The following RAI1 variants were observed in gnomAD, a reference collection of about 807,000 sequenced individuals.
RAI1 encodes retinoic acid-induced protein 1.
RAI1 carries 9 observed loss-of-function variants against 123.8 expected under a neutral mutation model. The observed-to-expected ratio is 0.07, with a 90% CI of 0.04 to 0.13. The LOEUF (loss-of-function observed/expected upper bound fraction) is 0.13. Ranked by LOEUF, RAI1 falls within the 10% of genes least tolerant of loss-of-function variation. The pLI, the probability that RAI1 is intolerant of heterozygous loss-of-function variation, is 1.00. For synonymous variants in RAI1, 1,231 were observed against 1,127.3 expected (o/e 1.09, Z -1.84); for missense variants, 2,256 against 2,545.8 (o/e 0.89, Z 2.45).
intron 1 of RAI1, among the ~76,000 whole-genome samples, chr17:17,689,618 T>G (rs1914769441): frequency 6.6e-6 from 1 of 152,204 alleles, no homozygotes; most frequent in African/African-American, 2.4e-5. Flanking sequence ...TAATGTAGCA[T>G]AGTGGGTATG....
rs891253324 is a variant in RAI1, at chr17:17,799,895, TC to T, written c.5565+1385del. ...GTGGCATTGCCTGGCCAAACCAAGGTCCCGGTGGGGGCCCACTGTGTTTGCC... is the reference window on the plus strand; with the variant it reads ...GTGGCATTGCCTGGCCAAACCAAGGTCCGGTGGGGGCCCACTGTGTTTGCC... On this transcript the variant is annotated intron_variant, in intron 3 of 5. Coordinates refer to ENST00000353383, the MANE Select transcript of RAI1 (RefSeq NM_030665.4). This position sits in a 1 kb window ranked among gnomAD's most constrained non-coding sequence, Gnocchi z 4.5. Among the ~76,000 whole-genome samples, 2 of 152,104 alleles carry T rather than the reference TC, an allele frequency of 1.3e-5. No individual in the cohort carries two copies. Among genetic ancestry groups the T allele is most frequent in the African/African-American group, 4.8e-5 (2 of 41,406 alleles).
chr17:17,793,866 A>T lies in RAI1; in HGVS notation c.918A>T (p.Gln306His), dbSNP rs767770472. ...ATGCCCAGGAAACCCTCCATTACCAAAACCTCGCCAAGTATCAGCACTACG... is the reference window on the plus strand; with the variant it reads ...ATGCCCAGGAAACCCTCCATTACCATAACCTCGCCAAGTATCAGCACTACG... The part of the protein sequence containing the change: ...RHHAQETLHY[Q>H]NLAKYQHYGQ... The change falls in exon 3 of 6, where the codon CAA becomes CAT. Residue 306 changes from glutamine (Q) to histidine (H), a missense_variant. This residue lies in a region of RAI1 where 357 missense variants were observed against 480.2 expected (regional missense o/e 0.74). Coordinates refer to ENST00000353383, the MANE Select transcript of RAI1 (RefSeq NM_030665.4). 8 of 1,613,360 alleles carry T rather than the reference A, an allele frequency of 5.0e-6. No homozygotes were observed. In the South Asian group the frequency reaches 8.8e-5, roughly 18 times the overall value.
At chr17:17,692,505 G>T (rs973411460) in intron 1 of RAI1, among the ~76,000 whole-genome samples, 7 of 152,192 alleles carry the variant, frequency 4.6e-5, no homozygotes, top group Non-Finnish European at 7.3e-5. Context: ...TCTGCCTGAG[G>T]TCACACAGCA....
At chr17:17,768,127 A>T (rs900663772) in intron 2 of RAI1, among the ~76,000 whole-genome samples, 9 of 152,152 alleles carry the variant, frequency 5.9e-5, no homozygotes, top group Admixed American at 5.2e-4. Context: ...TAATATGAGG[A>T]TTAAATCATG....
At chr17:17,784,213 C>T (rs554018545) in intron 2 of RAI1, among the ~76,000 whole-genome samples, 1 of 152,268 alleles carries the variant, frequency 6.6e-6, no homozygotes, top group African/African-American at 2.4e-5. Flanking sequence ...ATTCCCCGCT[C>T]CCCCAGGTGG....
At chr17:17,747,353 T>C (rs1482448466) in intron 2 of RAI1, among the ~76,000 whole-genome samples, 6 of 152,216 alleles carry the variant, frequency 3.9e-5, no homozygotes, top group African/African-American at 1.4e-4. Context: ...AGCCACTGGC[T>C]GACTAGTGGC....
rs907836688 is a variant in RAI1 at position 17,681,813 on chromosome 17, G to A, written c.-149+20G>A. 2 of 288,216 alleles carry A rather than the reference G, an allele frequency of 6.9e-6. No individual in the cohort carries two copies. The highest frequency in any genetic ancestry group is 1.3e-5 in the Non-Finnish European group (2 of 154,706). 17.9% of individuals were successfully genotyped at this position (288,216 alleles called of 1,614,324 possible). A position where few individuals can be genotyped will look rare whatever the true frequency, so the allele number is the denominator to read the frequency against. ...GCCGAGGTGAGCAGCGAGCGCCGGG[G>A]CGCGGGGGGCGCAGTGTATCCTGCC... On this transcript the variant is annotated intron_variant, in intron 1 of 5. Coordinates refer to ENST00000353383, the MANE Select transcript of RAI1 (RefSeq NM_030665.4).
rs139582039 is a variant in RAI1 at position 17,715,554 on chromosome 17, G to A, written c.-148-8474G>A. Among the ~76,000 whole-genome samples, 122 of 152,294 alleles carry A rather than the reference G, an allele frequency of 8.0e-4. No homozygotes were observed. In the East Asian group the frequency reaches 0.017, roughly 22 times the overall value. On this transcript the variant is annotated intron_variant, in intron 1 of 5. Transcript: ENST00000353383. Reference sequence around the variant, plus strand: ...GACACCAGACCGGGAGGAGAAGTGCGAGGAGTGGTGTGGTCATTGGCGTCT... The same window carrying A: ...GACACCAGACCGGGAGGAGAAGTGCAAGGAGTGGTGTGGTCATTGGCGTCT...
rs2143003266 is a variant in RAI1 at position 17,797,838 on chromosome 17, T to TGCCTCCTCTTCCTCATCC, written c.4891_4908dup (p.Ala1631_Ser1636dup). On this transcript the variant is annotated inframe_insertion, in exon 3 of 6. Coordinates refer to ENST00000353383, the MANE Select transcript of RAI1 (RefSeq NM_030665.4). ...AGCCCCACAGGAAGCCTTCCTCCTC[T>TGCCTCCTCTTCCTCATCC]GCCTCCTCTTCCTCATCCTCGTCCT... The TGCCTCCTCTTCCTCATCC allele has an allele frequency of 6.2e-7, 1 of 1,613,998 alleles. No homozygotes were observed. Among genetic ancestry groups the TGCCTCCTCTTCCTCATCC allele is most frequent in the African/African-American group, 1.3e-5 (1 of 75,022 alleles).
At chr17:17,732,487 TGA>T (rs1916303416) in intron 2 of RAI1, among the ~76,000 whole-genome samples, 1 of 152,282 alleles carries the variant, frequency 6.6e-6, no homozygotes, top group East Asian at 1.9e-4. Flanking sequence ...GCCAGGCAGG[TGA>T]CGTCCTTCCT....
At position 17,714,039 on chromosome 17, in the gene RAI1, C is replaced by G. The variant is rs1915642036; in HGVS notation, c.-148-9989C>G. Among the ~76,000 whole-genome samples the G allele has an allele frequency of 6.6e-6, 1 of 152,122 alleles. No individual in the cohort carries two copies. The highest frequency in any genetic ancestry group is 2.4e-5 in the African/African-American group (1 of 41,434). On this transcript the variant is annotated intron_variant, in intron 1 of 5. Transcript: ENST00000353383. This position sits in a 1 kb window ranked among gnomAD's most constrained non-coding sequence, Gnocchi z 4.9. The stretch of plus-strand genomic sequence containing the variant: ...AGTGTCCCAGCCGCCCACGATGCCT[C>G]CACCCAGAGGCTGCCCTGTTCTGCT...
chr17:17,756,240 C>T (rs1165599570), intron 2 of RAI1, among the ~76,000 whole-genome samples: 4 of 151,900 alleles, frequency 2.6e-5, no homozygotes, highest in Non-Finnish European at 5.9e-5. Context: ...TCTTGTTGCC[C>T]AGGCTGGAGT....
chr17:17,684,272 CTG>C (rs751839352), intron 1 of RAI1: 4 of 152,108 alleles, frequency 2.6e-5, no homozygotes, highest in Non-Finnish European at 4.4e-5. Flanking sequence ...ACAGGTCACA[CTG>C]TATATAGCTG....
rs1294582230 is a variant in RAI1 at position 17,701,980 on chromosome 17, AT to A, written c.-149+20188del. Among the ~76,000 whole-genome samples, 5 of 152,340 alleles carry A rather than the reference AT, an allele frequency of 3.3e-5. No individual in the cohort carries two copies. In the East Asian group the frequency reaches 9.6e-4, roughly 29 times the overall value. ...GCTCGAAAGGAATACTTGTCCTCTAATGGAAAAAGGACCAATTTAAAGGAAG... is the reference window on the plus strand; with the variant it reads ...GCTCGAAAGGAATACTTGTCCTCTAAGGAAAAAGGACCAATTTAAAGGAAG... On this transcript the variant is annotated intron_variant, in intron 1 of 5. Coordinates refer to ENST00000353383, the MANE Select transcript of RAI1 (RefSeq NM_030665.4).
chr17:17,743,344 A>T (rs1301040193), intron 2 of RAI1, among the ~76,000 whole-genome samples: 1 of 152,180 alleles, frequency 6.6e-6, no homozygotes, highest in Non-Finnish European at 1.5e-5. Context: ...GATAAATGGT[A>T]GCCTTTGTGA....
At chr17:17,783,544 G>A (rs1299641978) in intron 2 of RAI1, among the ~76,000 whole-genome samples, 1 of 152,188 alleles carries the variant, frequency 6.6e-6, no homozygotes, top group Non-Finnish European at 1.5e-5. Context: ...GCAGAGGGGC[G>A]GAGAGGCCGC....
Position 17,795,357 on chromosome 17 carries a change from G to A in RAI1, c.2409G>A (p.Val803=). 1.3e-6 allele frequency: 2 copies of A among 1,597,774 alleles called. No homozygotes were observed. Among genetic ancestry groups the A allele is most frequent in the South Asian group, 1.1e-5 (1 of 89,298 alleles). ...FQEEDPPGEK[V]ASLPGDFKQE... is the part of the protein sequence containing the mutation. ...AGGAGGACCCCCCTGGGGAGAAGGT[G>A]GCCTCGTTGCCCGGGGACTTCAAGC... Residue 803 remains valine (V), a synonymous_variant, in exon 3 of 6, where the codon GTG becomes GTA. Coordinates refer to ENST00000353383, the MANE Select transcript of RAI1 (RefSeq NM_030665.4). The surrounding 1 kb of genome is among the most constrained non-coding windows in gnomAD (Gnocchi z 5.9).
chr17:17,735,920 G>T (rs1181414800), intron 2 of RAI1, among the ~76,000 whole-genome samples: 5 of 152,194 alleles, frequency 3.3e-5, no homozygotes, highest in Admixed American at 3.3e-4. Context: ...CCTGAACTTG[G>T]CCCACAAAAG....
intron 1 of RAI1, among the ~76,000 whole-genome samples, chr17:17,704,855 G>T (rs935861479): frequency 1.1e-5 from 1 of 90,330 alleles, no homozygotes; most frequent in East Asian, 2.6e-4. Context: ...CTTCCTGGTG[G>T]TTTTTGGGTG....
Sources: gnomAD v4.1 joint callset for allele counts (sites outside exome capture counted in the v4.1 genomes callset) on GRCh38, gnomAD v4.1.1 for gene constraint, gnomAD v4.1.1 regional missense constraint, Gnocchi (gnomAD v3.1) non-coding constraint, MANE v1.5 for transcripts, NCBI Gene and HGNC (gene_info 2026-07-23, HGNC 2026-07-21) for gene names.